ARL15: variants seen among roughly 807,000 people sequenced by gnomAD.
ARL15 encodes ADP-ribosylation factor-like protein 15.
ARL15 carries 19 observed loss-of-function variants against 25.2 expected under a neutral mutation model. The observed-to-expected ratio is 0.75, with a 90% CI of 0.53 to 1.10. ARL15 has a LOEUF of 1.10. ARL15 is among the 50% of genes least tolerant of loss of function. The probability of loss-of-function intolerance (pLI) is 0.00; values close to 1 mark genes in which losing one functional copy is unlikely to be tolerated. For missense variants in ARL15, 220 were observed against 246.0 expected, an observed-to-expected ratio of 0.89 and a Z score of 0.71; for synonymous variants, 94 against 86.8, an observed-to-expected ratio of 1.08 and a Z score of -0.46.
chr5:54,096,971 G>A (rs959133197), intron 4 of ARL15, among the ~76,000 whole-genome samples: 9 of 152,104 alleles, frequency 5.9e-5, no homozygotes, highest in Non-Finnish European at 1.3e-4. Flanking sequence ...GACTATGGGA[G>A]TAGCCAGTCC....
At chr5:54,007,371 C>A (rs1749079366) in intron 4 of ARL15, among the ~76,000 whole-genome samples, 2 of 152,168 alleles carry the variant, frequency 1.3e-5, no homozygotes, top group South Asian at 2.1e-4. Context: ...ATGCAAGTAA[C>A]TGGCCTTCTA....
intron 4 of ARL15, among the ~76,000 whole-genome samples, chr5:54,054,343 TAAG>T (rs950369812): frequency 3.3e-5 from 5 of 152,194 alleles, no homozygotes; most frequent in African/African-American, 1.2e-4. Context: ...GGATTATGTA[TAAG>T]AAAATTTATT....
intron 1 of ARL15, among the ~76,000 whole-genome samples, chr5:54,212,777 G>A (rs940071561): frequency 1.3e-5 from 2 of 152,126 alleles, no homozygotes; most frequent in Non-Finnish European, 2.9e-5. Flanking sequence ...TGGTGGTAGG[G>A]GTGGGGAACA....
At chr5:53,968,294 C>T (rs950894001) in intron 4 of ARL15, among the ~76,000 whole-genome samples, 1 of 152,056 alleles carries the variant, frequency 6.6e-6, no homozygotes, top group Non-Finnish European at 1.5e-5. Context: ...ATTTTTTGCT[C>T]TTAATTTTTC....
At chr5:53,898,936 G>A (rs1468311158) in intron 4 of ARL15, among the ~76,000 whole-genome samples, 1 of 152,120 alleles carries the variant, frequency 6.6e-6, no homozygotes, top group African/African-American at 2.4e-5. Flanking sequence ...TTATAGGCAT[G>A]AGCCACTGTA....
chr5:54,140,471 T>G (rs1270677292), intron 3 of ARL15, among the ~76,000 whole-genome samples: 1 of 151,026 alleles, frequency 6.6e-6, no homozygotes, highest in Non-Finnish European at 1.5e-5. Flanking sequence ...TAGATAGAGA[T>G]AGAGATAGAG....
At chr5:54,107,218 C>T (rs189122454) in intron 4 of ARL15, among the ~76,000 whole-genome samples, 7 of 152,188 alleles carry the variant, frequency 4.6e-5, no homozygotes, top group Admixed American at 2.6e-4. Flanking sequence ...CTGGCCCCCA[C>T]GATTCAATTG....
At chr5:54,308,863 A>G (rs1758825397) in intron 1 of ARL15, among the ~76,000 whole-genome samples, 1 of 152,236 alleles carries the variant, frequency 6.6e-6, no homozygotes, top group Non-Finnish European at 1.5e-5. Context: ...TTCTTTTTTA[A>G]GAACTATTTA....
Position 53,886,821 on chromosome 5 carries a change from G to A in ARL15, c.463-108C>T, listed in dbSNP as rs969465027. ...GGGAATTTCGAGGCGGAATTTATAC[G>A]AACTGTGATGCCTACAACTTTGCAA... is the stretch of plus-strand genomic sequence containing the variant. On this transcript the variant is annotated intron_variant, in intron 4 of 4. Transcript: ENST00000504924. The A allele has an allele frequency of 1.9e-5, 19 of 1,003,634 alleles. 1 individual carries two copies. The highest frequency in any genetic ancestry group is 1.5e-4 in the South Asian group (10 of 64,532). 62.2% of individuals were successfully genotyped at this position (1,003,634 alleles called of 1,614,324 possible).
intron 1 of ARL15, among the ~76,000 whole-genome samples, chr5:54,221,895 T>C (rs1181033088): frequency 6.7e-6 from 1 of 150,256 alleles, no homozygotes; most frequent in Non-Finnish European, 1.5e-5. Flanking sequence ...CATGTGTGCA[T>C]GCACAGTGTG....
intron 4 of ARL15, among the ~76,000 whole-genome samples, chr5:53,943,382 G>A (rs1242236948): frequency 6.6e-6 from 1 of 152,124 alleles, no homozygotes; most frequent in Admixed American, 6.5e-5. Context: ...CTGAGAAGGT[G>A]GAAGGGATAC....
chr5:53,931,860 A>C (rs1746203743), intron 4 of ARL15, among the ~76,000 whole-genome samples: 2 of 152,224 alleles, frequency 1.3e-5, no homozygotes, highest in Admixed American at 1.3e-4. Context: ...CTGTCTTTTA[A>C]GTAAGCCTGT....
chr5:53,921,860 A>G (rs1461498815), intron 4 of ARL15, among the ~76,000 whole-genome samples: 1 of 152,168 alleles, frequency 6.6e-6, no homozygotes, highest in East Asian at 1.9e-4. Context: ...TTTGACAATC[A>G]CTATGTGCCA....
chr5:54,029,308 C>CCACCACCACCAA (rs1457953705), intron 4 of ARL15, among the ~76,000 whole-genome samples: 48 of 114,882 alleles, frequency 4.2e-4, no homozygotes, highest in Non-Finnish European at 6.5e-4. Context: ...AAAACAGTTA[C>CCACCACCACCAA]CACCACCACC....
chr5:53,894,082 A>C (rs534079105), intron 4 of ARL15, among the ~76,000 whole-genome samples: 2 of 152,316 alleles, frequency 1.3e-5, no homozygotes, highest in South Asian at 4.2e-4. Context: ...TGATGACTTG[A>C]TGTTAACCAA....
intron 4 of ARL15, among the ~76,000 whole-genome samples, chr5:54,059,105 A>G (rs1348995949): frequency 6.6e-6 from 1 of 152,222 alleles, no homozygotes; most frequent in African/African-American, 2.4e-5. Context: ...CCACTTATAT[A>G]AACCCTCCTA....
chr5:54,212,492 G>A (rs1281056486), intron 1 of ARL15, among the ~76,000 whole-genome samples: 1 of 152,178 alleles, frequency 6.6e-6, no homozygotes, highest in African/African-American at 2.4e-5. Flanking sequence ...GCCACATCTA[G>A]TTGTAAGAGA....
chr5:54,267,313 G>C (rs941014729), intron 1 of ARL15, among the ~76,000 whole-genome samples: 1 of 152,084 alleles, frequency 6.6e-6, no homozygotes, highest in Non-Finnish European at 1.5e-5. Flanking sequence ...GGACGGTCTC[G>C]ATCTCCCGAC....
At chr5:54,018,374 G>A (rs1224486530) in intron 4 of ARL15, among the ~76,000 whole-genome samples, 1 of 152,076 alleles carries the variant, frequency 6.6e-6, no homozygotes, top group Non-Finnish European at 1.5e-5. Context: ...CATAGATGGT[G>A]GGTAAAAATC....
Sources: gnomAD v4.1 joint callset for allele counts (sites outside exome capture counted in the v4.1 genomes callset) on GRCh38, gnomAD v4.1.1 for gene constraint, MANE v1.5 for transcripts, NCBI Gene and HGNC (gene_info 2026-07-23, HGNC 2026-07-21) for gene names.